The following FUS variants were observed in gnomAD, a reference collection of about 807,000 sequenced individuals.
The protein encoded by FUS is RNA-binding protein FUS.
A neutral mutation model predicts 82.7 loss-of-function variants in FUS; 5 were observed. That is an observed-to-expected ratio of 0.06 (90% CI 0.03 to 0.13). FUS has a LOEUF of 0.13. Among genes scored for constraint, FUS ranks in the 10% least tolerant of loss-of-function variants. The pLI, the probability that FUS is intolerant of heterozygous loss-of-function variation, is 1.00. For synonymous variants in FUS, 281 were observed against 247.4 expected (o/e 1.14, Z -1.27); for missense variants, 512 against 707.8 (o/e 0.72, Z 3.14).
chr16:31,190,680 C>T, intron 12 of FUS, 62 bp from the exon 13 acceptor site: 2 of 1,466,046 alleles, frequency 1.4e-6, no homozygotes, highest in Middle Eastern at 1.7e-4. Context: ...GTAGTTTCTT[C>T]CTAGTTCTAG....
At chr16:31,189,095 AT>A in intron 8 of FUS, 27 bp from the exon 9 acceptor site, 1 of 1,544,718 alleles carries the variant, frequency 6.5e-7, no homozygotes, top group Non-Finnish European at 9.0e-7. Flanking sequence ...ACCTTTTCAC[AT>A]TTGCATTTTC....
intron 7 of FUS, chr16:31,187,160 A>G: frequency 2.2e-6 from 1 of 445,576 alleles, no homozygotes; most frequent in Non-Finnish European, 4.1e-6. Flanking sequence ...TGCGTGCTGG[A>G]ACACGTGGTG....
At chr16:31,180,997 C>A (rs988567272) in intron 1 of FUS, among the ~76,000 whole-genome samples, 1 of 152,094 alleles carries the variant, frequency 6.6e-6, no homozygotes, top group Admixed American at 6.5e-5. Flanking sequence ...ACTGCAACGT[C>A]CACCTCCTGG....
At chr16:31,185,792 C>T (rs2079260690) in intron 6 of FUS, 1 of 289,062 alleles carries the variant, frequency 3.5e-6, no homozygotes, top group East Asian at 5.4e-5. Context: ...CCTATTTGTT[C>T]CACTGTCTGC....
intron 13 of FUS, 30 bp from the exon 14 acceptor site, chr16:31,190,933 A>G (rs531009755): frequency 1.9e-6 from 3 of 1,611,412 alleles, no homozygotes; most frequent in Non-Finnish European, 1.7e-6. Flanking sequence ...GGGAATGGGA[A>G]TATGATAGAT....
chr16:31,184,893 C>T (rs1191742098), intron 5 of FUS, 46 bp from the exon 6 acceptor site: 1 of 1,591,414 alleles, frequency 6.3e-7, no homozygotes, highest in Non-Finnish European at 8.6e-7. Context: ...TGCTACTTTA[C>T]AATCTTTTTG....
At chr16:31,185,263 A>T in intron 6 of FUS, 84 bp downstream of exon 6, 1 of 1,429,188 alleles carries the variant, frequency 7.0e-7, no homozygotes, top group Admixed American at 2.5e-5. Flanking sequence ...TCCCTAGTGC[A>T]TGGTTTAGTA....
chr16:31,188,545 G>A (rs2079306249), intron 8 of FUS, 188 bp downstream of exon 8: 1 of 686,226 alleles, frequency 1.5e-6, no homozygotes, highest in African/African-American at 1.8e-5. Flanking sequence ...TACCTGGCTT[G>A]TGGGTTCCAC....
At chr16:31,190,513 G>C in intron 12 of FUS, 115 bp downstream of exon 12, 1 of 1,525,060 alleles carries the variant, frequency 6.6e-7, no homozygotes, top group Non-Finnish European at 9.1e-7. Context: ...ACACTGTTGG[G>C]GTCAGATTTA....
chr16:31,183,985 C>T lies in FUS; in HGVS notation c.318C>T (p.Pro106=), dbSNP rs200264709. ...CTGGCTATGGCCAGCAGCCAGCTCC[C>T]AGCAGCACCTCGGGAAGGTACGGTG... The part of the protein sequence containing the change: ...SYPGYGQQPA[P]SSTSGSYGSS... The change falls in exon 4 of 15, where the codon CCC becomes CCT. Residue 106 remains proline (P), a synonymous_variant. Coordinates refer to ENST00000254108, the MANE Select transcript of FUS (RefSeq NM_004960.4). 7.0e-5 allele frequency: 113 copies of T among 1,613,992 alleles called. No homozygotes were observed. Among genetic ancestry groups the T allele is most frequent in the Non-Finnish European group, 9.5e-5 (112 of 1,180,032 alleles).
chr16:31,193,001 G>T, downstream of FUS: 1 of 482,628 alleles, frequency 2.1e-6, no homozygotes, highest in Non-Finnish European at 4.1e-6. Flanking sequence ...TGCTCTTGTT[G>T]CCCAGGCTGG....
In FUS at chr16:31,190,303, T is replaced by C; in HGVS notation, c.1197T>C (p.Gly399=). 2 of 1,613,778 alleles carry C rather than the reference T, an allele frequency of 1.2e-6. No individual in the cohort carries two copies. Among genetic ancestry groups the C allele is most frequent in the Non-Finnish European group, 1.7e-6 (2 of 1,179,930 alleles). The change falls in exon 12 of 15, where the codon GGT becomes GGC. Residue 399 remains glycine (G), a synonymous_variant. Coordinates refer to ENST00000254108, the MANE Select transcript of FUS (RefSeq NM_004960.4). The part of the protein sequence containing the change: ...GGPMGRGGYG[G]GGSGGGGRGG... ...CCATGGGCCGTGGAGGCTATGGAGGTGGTGGCAGTGGTGGTGGTGGCCGAG... is the reference window on the plus strand; with the variant it reads ...CCATGGGCCGTGGAGGCTATGGAGGCGGTGGCAGTGGTGGTGGTGGCCGAG...
At chr16:31,191,904 A>G (rs2079367250), downstream of FUS, 2 of 537,004 alleles carry the variant, frequency 3.7e-6, no homozygotes, top group East Asian at 7.8e-5. Context: ...TATTTGCAGC[A>G]GTTTATCCCT....
chr16:31,188,578 G>A, intron 8 of FUS: 1 of 605,586 alleles, frequency 1.7e-6, no homozygotes, highest in Non-Finnish European at 2.9e-6. Context: ...AGGTCTGAGA[G>A]GACCCTGAAA....
intron 9 of FUS, 97 bp downstream of exon 9, chr16:31,189,323 A>G (rs896373483): frequency 1.0e-6 from 1 of 974,472 alleles, no homozygotes; most frequent in African/African-American, 1.6e-5. Context: ...GCCAGCAGTA[A>G]AAACAAGTCT....
intron 9 of FUS, among the ~76,000 whole-genome samples, 183 bp from the exon 10 acceptor site, chr16:31,189,482 C>T (rs559529475): frequency 3.9e-5 from 6 of 152,188 alleles, no homozygotes; most frequent in Non-Finnish European, 5.9e-5. Flanking sequence ...TTAGTTTTAT[C>T]TTTCAATATT....
chr16:31,191,550 C>A lies in FUS; in HGVS notation c.*112C>A. 2 of 1,178,804 alleles carry A rather than the reference C, an allele frequency of 1.7e-6. No individual in the cohort carries two copies. Among genetic ancestry groups the A allele is most frequent in the Non-Finnish European group, 2.5e-6 (2 of 794,106 alleles). The allele number at this position is 1,178,804 out of a possible 1,614,324, so 73.0% of individuals were successfully genotyped here. A position where few individuals can be genotyped will look rare whatever the true frequency, so the allele number is the denominator to read the frequency against. ...CACCCAAGGGTTTTTTTGTGTCGGA[C>A]TATGTAATTGTAACTATACCTCTGG... On this transcript the variant is annotated 3_prime_UTR_variant, in exon 15 of 15. Coordinates refer to ENST00000254108, the MANE Select transcript of FUS (RefSeq NM_004960.4).
chr16:31,188,483 T>C (rs2079305220), intron 8 of FUS, 126 bp downstream of exon 8: 1 of 997,696 alleles, frequency 1.0e-6, no homozygotes, highest in East Asian at 2.4e-5. Context: ...GGGAGTTAGG[T>C]GTGTCCTTAG....
rs750383452 is a variant in FUS, at chr16:31,182,506, T to C, written c.39-7T>C. 2 of 1,614,186 alleles carry C rather than the reference T, an allele frequency of 1.2e-6. No individual in the cohort carries two copies. The highest frequency in any genetic ancestry group is 2.2e-5 in the South Asian group (2 of 91,088). On this transcript the variant is annotated splice_region_variant and splice_polypyrimidine_tract_variant and intron_variant, in intron 2 of 14. Coordinates refer to ENST00000254108, the MANE Select transcript of FUS (RefSeq NM_004960.4). ...TTTCTGATCACGCTGGTTTTCCTTT[T>C]ATTTAGCTATGGGGCCTACCCCACC...
Sources: allele counts gnomAD v4.1 joint callset (sites outside exome capture counted in the v4.1 genomes callset), GRCh38; gene constraint gnomAD v4.1.1; transcripts MANE v1.5; gene names NCBI Gene and HGNC (gene_info 2026-07-23, HGNC 2026-07-21).